Variants in CHFR observed in about 807,000 individuals in gnomAD.
CHFR encodes the protein E3 ubiquitin-protein ligase CHFR.
In CHFR, 57 loss-of-function variants were observed where a neutral mutation model predicts 87.6. The observed-to-expected ratio is 0.65, with a 90% CI of 0.53 to 0.81. The LOEUF (loss-of-function observed/expected upper bound fraction) is 0.81, where lower values mean the gene tolerates loss of function less well. CHFR is among the 30% of genes least tolerant of loss of function. The pLI, the probability that CHFR is intolerant of heterozygous loss-of-function variation, is 0.00. For missense variants in CHFR, 797 were observed against 865.8 expected (o/e 0.92, Z 1.00); for synonymous variants, 381 against 359.2 (o/e 1.06, Z -0.69).
At chr12:132,843,443 T>A (rs1950743748) in intron 16 of CHFR, among the ~76,000 whole-genome samples, 1 of 151,326 alleles carries the variant, frequency 6.6e-6, no homozygotes, top group Non-Finnish European at 1.5e-5. Context: ...AATAAATAAA[T>A]AAAAATTAAA....
intron 15 of CHFR, 50 bp from the exon 16 acceptor site, chr12:132,844,184 G>A: frequency 8.0e-7 from 1 of 1,256,894 alleles, no homozygotes; most frequent in Non-Finnish European, 1.2e-6. Context: ...CCCAACAGCA[G>A]CGCACGGACT....
At chr12:132,863,186 G>A (rs1293491634) in intron 6 of CHFR, among the ~76,000 whole-genome samples, 9 of 140,448 alleles carry the variant, frequency 6.4e-5, no homozygotes, top group African/African-American at 1.8e-4. Flanking sequence ...GTGAGCCACC[G>A]CGCCCGGCCT....
chr12:132,877,378 G>C (rs1161216318), intron 3 of CHFR, among the ~76,000 whole-genome samples, 177 bp downstream of exon 3: 1 of 152,164 alleles, frequency 6.6e-6, no homozygotes, highest in Non-Finnish European at 1.5e-5. Flanking sequence ...ACATTTCTCA[G>C]ACTGGATCCC....
At chr12:132,878,222 G>C (rs538884451) in intron 2 of CHFR, among the ~76,000 whole-genome samples, 3 of 152,198 alleles carry the variant, frequency 2.0e-5, no homozygotes, top group Non-Finnish European at 4.4e-5. Flanking sequence ...TGTAAACCCA[G>C]CACTTTGAGA....
intron 2 of CHFR, among the ~76,000 whole-genome samples, chr12:132,883,885 G>A (rs1951824952): frequency 6.6e-6 from 1 of 152,246 alleles, no homozygotes; most frequent in Non-Finnish European, 1.5e-5. Context: ...GGCCAAGGCA[G>A]GTGGATCATT....
intron 11 of CHFR, 98 bp from the exon 12 acceptor site, chr12:132,851,835 C>A: frequency 2.8e-6 from 4 of 1,407,860 alleles, no homozygotes; most frequent in Non-Finnish European, 2.9e-6. Context: ...GAGAGGTGCA[C>A]CTGAGACAGC....
At chr12:132,849,009 C>T (rs557987436) in intron 12 of CHFR, 351 of 366,142 alleles carry the variant, frequency 9.6e-4, no homozygotes, top group Admixed American at 1.7e-3. Flanking sequence ...TACAGGGGAA[C>T]AATCACAGCT....
At chr12:132,869,885 ACT>A in intron 5 of CHFR, 87 bp from the exon 6 acceptor site, 4 of 1,445,876 alleles carry the variant, frequency 2.8e-6, no homozygotes, top group Non-Finnish European at 3.8e-6. Context: ...TCAAGCAGAC[ACT>A]CTAGGGATTG....
At chr12:132,867,258 G>A (rs996262411) in intron 6 of CHFR, 1 of 152,300 alleles carries the variant, frequency 6.6e-6, no homozygotes, top group African/African-American at 2.4e-5. Flanking sequence ...CTGGTTTCAA[G>A]AAGGCACACT....
At chr12:132,843,576 A>C (rs555832893) in intron 16 of CHFR, among the ~76,000 whole-genome samples, 3 of 152,372 alleles carry the variant, frequency 2.0e-5, no homozygotes, top group South Asian at 2.1e-4. Flanking sequence ...GGCCTAAAAC[A>C]ACCACAGCCC....
At chr12:132,872,252 G>A in intron 4 of CHFR, 33 bp downstream of exon 4, 1 of 1,452,902 alleles carries the variant, frequency 6.9e-7, no homozygotes. Flanking sequence ...CCCCCGTGCG[G>A]GTCTGACCCC....
chr12:132,882,897 G>T (rs1340427406), intron 2 of CHFR: 1 of 151,864 alleles, frequency 6.6e-6, no homozygotes, highest in African/African-American at 2.4e-5. Context: ...GTAGATACAG[G>T]GTCTATGTTG....
rs766543527 is a variant in CHFR at position 132,853,396 on chromosome 12, C to T, written c.1372+35G>A. ...CCGGGCACAGCCACAAAGTGACTCACGCGAAGGCTGAGGCCTGAGGGCGGC... is the reference window on the plus strand; with the variant it reads ...CCGGGCACAGCCACAAAGTGACTCATGCGAAGGCTGAGGCCTGAGGGCGGC... On this transcript the variant is annotated intron_variant, in intron 11 of 17. Coordinates refer to ENST00000450056, the MANE Select transcript of CHFR (RefSeq NM_001161346.2). The T allele has an allele frequency of 2.2e-5, 32 of 1,471,792 alleles. No individual in the cohort carries two copies. In the South Asian group the frequency reaches 3.1e-4, roughly 14 times the overall value. 91.2% of individuals were successfully genotyped at this position (1,471,792 alleles called of 1,614,324 possible).
At chr12:132,855,012 C>A (rs1031841425) in intron 10 of CHFR, 9 of 152,050 alleles carry the variant, frequency 5.9e-5, no homozygotes, top group Non-Finnish European at 8.8e-5. Flanking sequence ...GAGGCCAAGG[C>A]AGACGGATCA....
intron 2 of CHFR, among the ~76,000 whole-genome samples, chr12:132,878,519 A>G (rs1951685306): frequency 6.6e-6 from 1 of 151,754 alleles, no homozygotes; most frequent in Non-Finnish European, 1.5e-5. Context: ...ATACACAGCT[A>G]ACCTGATGAG....
chr12:132,874,258 A>G (rs1397232355), intron 3 of CHFR, among the ~76,000 whole-genome samples: 1 of 152,290 alleles, frequency 6.6e-6, no homozygotes, highest in African/African-American at 2.4e-5. Flanking sequence ...ACCACCATGC[A>G]GTCAGCACAG....
At chr12:132,873,461 T>C (rs1238171639) in intron 3 of CHFR, among the ~76,000 whole-genome samples, 2 of 152,242 alleles carry the variant, frequency 1.3e-5, no homozygotes, top group African/African-American at 2.4e-5. Flanking sequence ...CAGATGCACT[T>C]ATACACGGGT....
chr12:132,857,776 T>G lies in CHFR; in HGVS notation c.912-217A>C, dbSNP rs114294325. ...AGACAGAGGCGAGTAGATTATGACT[T>G]CAGGAACACAAACAACAGAGACAGC... On this transcript the variant is annotated intron_variant, in intron 8 of 17. Coordinates refer to ENST00000450056, the MANE Select transcript of CHFR (RefSeq NM_001161346.2). 1.3e-3 allele frequency among the ~76,000 whole-genome samples: 194 copies of G among 152,234 alleles called. 1 individual carries two copies. Among genetic ancestry groups the G allele is most frequent in the African/African-American group, 4.6e-3 (190 of 41,524 alleles).
chr12:132,861,579 A>G lies in CHFR; in HGVS notation c.639T>C (p.Asp213=). ...GAGCTGAGGCAAAGCTGGAGACTTCATCACTTGCCACAGAGGGACCACTTC... is the reference window on the plus strand; with the variant it reads ...GAGCTGAGGCAAAGCTGGAGACTTCGTCACTTGCCACAGAGGGACCACTTC... ...PKGSGPSVAS[D]EVSSFASALP... The change falls in exon 7 of 18, where the codon GAT becomes GAC. Residue 213 remains aspartate (D), a synonymous_variant. Transcript: ENST00000450056. 1.2e-6 allele frequency: 2 copies of G among 1,614,200 alleles called. No individual in the cohort carries two copies. Among genetic ancestry groups the G allele is most frequent in the East Asian group, 4.5e-5 (2 of 44,880 alleles).
Sources: gnomAD v4.1 joint callset for allele counts (sites outside exome capture counted in the v4.1 genomes callset) on GRCh38, gnomAD v4.1.1 for gene constraint, MANE v1.5 for transcripts, NCBI Gene and HGNC (gene_info 2026-07-23, HGNC 2026-07-21) for gene names.